Variants in PRKAG2 observed in about 807,000 individuals in gnomAD.
The protein encoded by PRKAG2 is 5'-AMP-activated protein kinase subunit gamma-2.
PRKAG2 carries 26 observed loss-of-function variants against 69.6 expected under a neutral mutation model. The ratio of observed to expected loss-of-function variants is 0.37; its 90% confidence interval spans 0.27 to 0.52. The LOEUF (loss-of-function observed/expected upper bound fraction) is 0.52, where lower values mean the gene tolerates loss of function less well. PRKAG2 is among the 20% of genes least tolerant of loss of function. The pLI is 0.90. For synonymous variants in PRKAG2, 293 were observed against 285.0 expected (o/e 1.03, Z -0.28); for missense variants, 557 against 740.0 (o/e 0.75, Z 2.87).
chr7:151,565,732 C>CA lies in PRKAG2; in HGVS notation c.1386dup (p.Val463CysfsTer3). ...CAAACACACAAACCTGACTCATCCACAACAGGCAGAGCTGATATTCGTCTT... is the reference window on the plus strand; with the variant it reads ...CAAACACACAAACCTGACTCATCCACAAACAGGCAGAGCTGATATTCGTCTT... On this transcript the variant is annotated frameshift_variant, in exon 12 of 16. Coordinates refer to ENST00000287878, the MANE Select transcript of PRKAG2 (RefSeq NM_016203.4). LOFTEE classifies it high-confidence loss of function. 1 of 1,613,860 alleles carries CA rather than the reference C, an allele frequency of 6.2e-7. No individual in the cohort carries two copies. Among genetic ancestry groups the CA allele is most frequent in the Non-Finnish European group, 8.5e-7 (1 of 1,179,738 alleles).
chr7:151,865,477 G>A (rs369456629), intron 1 of PRKAG2, among the ~76,000 whole-genome samples: 1 of 152,200 alleles, frequency 6.6e-6, no homozygotes, highest in African/African-American at 2.4e-5. Context: ...ACAGGGTGAC[G>A]GCATGCCCCA....
intron 3 of PRKAG2, among the ~76,000 whole-genome samples, chr7:151,757,869 A>G (rs555502700): frequency 6.6e-6 from 1 of 152,338 alleles, no homozygotes; most frequent in African/African-American, 2.4e-5. Context: ...TGCTTCGTAA[A>G]AGGGCTTTTG....
intron 1 of PRKAG2, among the ~76,000 whole-genome samples, chr7:151,811,848 G>T (rs2078438819): frequency 6.6e-6 from 1 of 152,212 alleles, no homozygotes; most frequent in South Asian, 2.1e-4. Flanking sequence ...TCACCATGTG[G>T]CTCATAAGTA....
chr7:151,698,336 C>T (rs916332968), intron 3 of PRKAG2, among the ~76,000 whole-genome samples: 2 of 152,192 alleles, frequency 1.3e-5, no homozygotes, highest in African/African-American at 4.8e-5. Context: ...CTGTCCCATC[C>T]CCCACCCCCT....
At chr7:151,706,881 G>T (rs550253849) in intron 3 of PRKAG2, among the ~76,000 whole-genome samples, 4 of 152,340 alleles carry the variant, frequency 2.6e-5, no homozygotes, top group South Asian at 4.1e-4. Flanking sequence ...CCTGGCCAGG[G>T]ACTAGATGGA....
chr7:151,761,699 T>C (rs559124739), intron 3 of PRKAG2, among the ~76,000 whole-genome samples: 1 of 152,328 alleles, frequency 6.6e-6, no homozygotes, highest in South Asian at 2.1e-4. Flanking sequence ...TAACTCTTTC[T>C]TTACTGTGAC....
At chr7:151,709,552 CT>C (rs1302923491) in intron 3 of PRKAG2, among the ~76,000 whole-genome samples, 2 of 152,030 alleles carry the variant, frequency 1.3e-5, no homozygotes, top group Non-Finnish European at 2.9e-5. Flanking sequence ...CATTGAGTGA[CT>C]TTGATATTTG....
chr7:151,624,803 C>T (rs1358656355), intron 5 of PRKAG2, among the ~76,000 whole-genome samples: 1 of 152,214 alleles, frequency 6.6e-6, no homozygotes, highest in Non-Finnish European at 1.5e-5. Flanking sequence ...TCCGCCCTCA[C>T]TGCTCTTTGA....
At chr7:151,765,014 A>AG (rs1321591816) in intron 3 of PRKAG2, among the ~76,000 whole-genome samples, 2 of 152,186 alleles carry the variant, frequency 1.3e-5, no homozygotes, top group Non-Finnish European at 2.9e-5. Flanking sequence ...GTCTATGGCC[A>AG]GGGGGGCTTA....
At chr7:151,688,929 C>G (rs1344017951) in intron 3 of PRKAG2, among the ~76,000 whole-genome samples, 1 of 152,146 alleles carries the variant, frequency 6.6e-6, no homozygotes, top group African/African-American at 2.4e-5. Context: ...GGTGGCCGGC[C>G]TCCCTGTTCC....
At chr7:151,744,246 C>T (rs1403397670) in intron 3 of PRKAG2, among the ~76,000 whole-genome samples, 1 of 152,234 alleles carries the variant, frequency 6.6e-6, no homozygotes, top group Non-Finnish European at 1.5e-5. Flanking sequence ...TGCCCCGGGG[C>T]CACGTTCCCA....
chr7:151,694,735 G>T (rs2536083), intron 3 of PRKAG2, among the ~76,000 whole-genome samples: 13,790 of 152,252 alleles, frequency 0.091, 785 homozygotes, highest in East Asian at 0.17. Flanking sequence ...ATTGCTCTGT[G>T]TCTCCCAAGA....
chr7:151,600,136 C>CCT (rs1815689637), intron 5 of PRKAG2, among the ~76,000 whole-genome samples: 1 of 152,082 alleles, frequency 6.6e-6, no homozygotes, highest in Non-Finnish European at 1.5e-5. Flanking sequence ...AGCTGATCCC[C>CCT]CTCCTTCCCT....
In PRKAG2 at chr7:151,781,263, G is replaced by A. The variant is rs1177945294; in HGVS notation, c.355C>T (p.Arg119Ter). The A allele has an allele frequency of 2.5e-6, 4 of 1,614,128 alleles. No individual in the cohort carries two copies. Among genetic ancestry groups the A allele is most frequent in the African/African-American group, 1.3e-5 (1 of 75,042 alleles). ...SYQESPPRSP[R>*]RMSFSGIFRS... is the part of the protein sequence containing the mutation. ...AAGATCCCACTGAAGCTCATGCGTC[G>A]AGGGGAGCGTGGCGGGGACTCCTGG... Residue 119 changes from arginine (R) to a stop codon, truncating the protein, a stop_gained, in exon 3 of 16, where the codon CGA becomes TGA. Transcript: ENST00000287878. LOFTEE classifies it high-confidence loss of function. This position sits in a 1 kb window ranked among gnomAD's most constrained non-coding sequence, Gnocchi z 6.1.
chr7:151,732,815 C>A (rs1396182771), intron 3 of PRKAG2, among the ~76,000 whole-genome samples: 4 of 152,160 alleles, frequency 2.6e-5, no homozygotes, highest in Non-Finnish European at 5.9e-5. Context: ...GTCTCAGCCT[C>A]CCGAGCAGCT....
intron 3 of PRKAG2, chr7:151,736,227 G>A: frequency 1.4e-6 from 2 of 1,384,870 alleles, no homozygotes; most frequent in Admixed American, 3.0e-5. Context: ...GCCAGGGAGT[G>A]GAGCCGTCCT....
intron 1 of PRKAG2, among the ~76,000 whole-genome samples, chr7:151,855,225 T>C (rs1586728838): frequency 5.9e-5 from 5 of 84,322 alleles, no homozygotes; most frequent in Admixed American, 2.8e-4. Context: ...CACACCACGC[T>C]CCACACACAC....
At chr7:151,821,609 AT>A (rs36040337) in intron 1 of PRKAG2, among the ~76,000 whole-genome samples, 6 of 151,728 alleles carry the variant, frequency 4.0e-5, no homozygotes, top group Admixed American at 3.3e-4. Flanking sequence ...GCACAAAACC[AT>A]TTTTTTTCTA....
Position 151,557,045 on chromosome 7 carries a change from T to G in PRKAG2, c.*156A>C. The G allele has an allele frequency of 7.8e-7, 1 of 1,278,108 alleles. No homozygotes were observed. 79.2% of individuals were successfully genotyped at this position (1,278,108 alleles called of 1,614,324 possible). On this transcript the variant is annotated 3_prime_UTR_variant, in exon 16 of 16. Transcript: ENST00000287878. The stretch of plus-strand genomic sequence containing the variant: ...TGAATCTTCAAGCACATAAAATCTT[T>G]CTTTTTTAAGCTTAATTTCAACATC...
Sources: gnomAD v4.1 joint callset for allele counts (sites outside exome capture counted in the v4.1 genomes callset) on GRCh38, gnomAD v4.1.1 for gene constraint, Gnocchi (gnomAD v3.1) non-coding constraint, MANE v1.5 for transcripts, NCBI Gene and HGNC (gene_info 2026-07-23, HGNC 2026-07-21) for gene names.